RBFOX3: variants seen among roughly 807,000 people sequenced by gnomAD.
RBFOX3 encodes RNA binding fox-1 homolog 3.
Under a neutral mutation model 48.7 loss-of-function variants are expected in RBFOX3, and 17 were observed. The ratio of observed to expected loss-of-function variants is 0.35; its 90% CI spans 0.24 to 0.52. The LOEUF is 0.52. Among genes scored for constraint, RBFOX3 ranks in the 20% least tolerant of loss-of-function variants. RBFOX3 has a pLI of 0.94. For synonymous variants in RBFOX3, 212 were observed against 209.5 expected, an observed-to-expected ratio of 1.01 and a Z score of -0.10; for missense variants, 382 against 497.5, an observed-to-expected ratio of 0.77 and a Z score of 2.21.
chr17:79,388,073 T>TGC (rs1491013536), intron 2 of RBFOX3, among the ~76,000 whole-genome samples: 3 of 145,552 alleles, frequency 2.1e-5, no homozygotes, highest in Non-Finnish European at 3.0e-5. Flanking sequence ...GCAGTGTGTG[T>TGC]GCCTACGTGT....
intron 4 of RBFOX3, among the ~76,000 whole-genome samples, chr17:79,200,029 G>A (rs1161756429): frequency 6.6e-6 from 1 of 152,160 alleles, no homozygotes; most frequent in Non-Finnish European, 1.5e-5. Flanking sequence ...TAGGTGTGGT[G>A]GCACATGCCT....
chr17:79,151,097 A>G (rs1308626300), intron 4 of RBFOX3, among the ~76,000 whole-genome samples: 1 of 152,112 alleles, frequency 6.6e-6, no homozygotes, highest in Non-Finnish European at 1.5e-5. Flanking sequence ...TCTCAGAACC[A>G]CAATAAATGC....
chr17:79,373,238 A>C, intron 2 of RBFOX3, among the ~76,000 whole-genome samples: 1 of 151,436 alleles, frequency 6.6e-6, no homozygotes, highest in East Asian at 1.9e-4. Context: ...TGTCCTCCCC[A>C]CCCCTACGGC....
At chr17:79,445,745 C>T (rs1322123686) in intron 2 of RBFOX3, among the ~76,000 whole-genome samples, 2 of 152,216 alleles carry the variant, frequency 1.3e-5, no homozygotes, top group Non-Finnish European at 1.5e-5. Flanking sequence ...CAAGAAGCTG[C>T]TCGGCTGGGT....
At chr17:79,649,653 C>T in the RBFOX3 span, among the ~76,000 whole-genome samples, 38 of 152,124 alleles carry the variant, frequency 2.5e-4, no homozygotes, top group African/African-American at 8.7e-4. Context: ...TTGCAGTGGG[C>T]GGAGATAGCG....
chr17:79,600,680 G>C (rs2093684918), intron 1 of RBFOX3: 1 of 152,218 alleles, frequency 6.6e-6, no homozygotes, highest in South Asian at 2.1e-4. Flanking sequence ...CACACCCCAG[G>C]GGGCTCCCAC....
chr17:79,469,428 C>T (rs1281924464), intron 2 of RBFOX3, among the ~76,000 whole-genome samples: 3 of 152,276 alleles, frequency 2.0e-5, no homozygotes, highest in Admixed American at 6.5e-5. Context: ...TGGAGAGGAC[C>T]CCACTCCACG....
At chr17:79,416,283 A>G (rs1372325506) in intron 2 of RBFOX3, among the ~76,000 whole-genome samples, 3 of 152,180 alleles carry the variant, frequency 2.0e-5, no homozygotes, top group Non-Finnish European at 4.4e-5. Flanking sequence ...CTGCACCCAG[A>G]GCTCCCTCCC....
At chr17:79,332,393 G>A (rs963915810) in intron 2 of RBFOX3, among the ~76,000 whole-genome samples, 1 of 152,188 alleles carries the variant, frequency 6.6e-6, no homozygotes, top group South Asian at 2.1e-4. Context: ...CGGGGTGGGA[G>A]AGGGAAAGGG....
At chr17:79,548,509 C>T (rs1480165542) in intron 1 of RBFOX3, among the ~76,000 whole-genome samples, 16 of 152,260 alleles carry the variant, frequency 1.1e-4, no homozygotes, top group Admixed American at 6.5e-4. Flanking sequence ...CTGCAGGAAG[C>T]GCAGCTGTGC....
At chr17:79,548,222 A>C (rs1555792556) in intron 1 of RBFOX3, among the ~76,000 whole-genome samples, 3 of 152,116 alleles carry the variant, frequency 2.0e-5, no homozygotes, top group African/African-American at 7.2e-5. Context: ...CCGCTCCCGG[A>C]GTCCACCCAG....
intron 4 of RBFOX3, among the ~76,000 whole-genome samples, chr17:79,141,504 A>AG (rs940153111): frequency 6.7e-6 from 1 of 150,122 alleles, no homozygotes; most frequent in Non-Finnish European, 1.5e-5. Flanking sequence ...AGTGGCTCAG[A>AG]GGGGGTCAGC....
rs1473099912 is a variant in RBFOX3, at chr17:79,206,525, G to A, written c.-34+29241C>T. 1.4e-5 allele frequency among the ~76,000 whole-genome samples: 2 copies of A among 147,648 alleles called. 1 individual carries two copies. The highest frequency in any genetic ancestry group is 4.0e-4 in the East Asian group (2 of 4,974). The stretch of plus-strand genomic sequence containing the variant: ...TCTGTGATGAGCTGGACATAGTACA[G>A]GGGTGCAAGAAGTGGGCGGGAGCGG... On this transcript the variant is annotated intron_variant, in intron 4 of 14. Transcript: ENST00000693108.
intron 3 of RBFOX3, among the ~76,000 whole-genome samples, chr17:79,238,787 G>A (rs887209498): frequency 1.3e-5 from 2 of 152,154 alleles, no homozygotes; most frequent in Non-Finnish European, 2.9e-5. Context: ...GTGTGAACCC[G>A]GGGTTGCAGT....
At chr17:79,314,974 G>A (rs2077341477) in intron 2 of RBFOX3, among the ~76,000 whole-genome samples, 1 of 152,090 alleles carries the variant, frequency 6.6e-6, no homozygotes, top group South Asian at 2.1e-4. Flanking sequence ...GCAGGTAGAG[G>A]AGGATAGATA....
intron 4 of RBFOX3, among the ~76,000 whole-genome samples, chr17:79,215,184 G>A (rs896781149): frequency 6.6e-6 from 1 of 152,190 alleles, no homozygotes; most frequent in Admixed American, 6.5e-5. Context: ...GCTGGCCCCC[G>A]CAGGGCTCCC....
chr17:79,602,967 C>T (rs1457314611), intron 1 of RBFOX3, among the ~76,000 whole-genome samples: 2 of 149,108 alleles, frequency 1.3e-5, no homozygotes, highest in East Asian at 4.0e-4. Flanking sequence ...TGCTGCAGTG[C>T]CCCTCTCTCC....
At chr17:79,605,150 G>A (rs921387456) in intron 1 of RBFOX3, among the ~76,000 whole-genome samples, 2 of 152,132 alleles carry the variant, frequency 1.3e-5, no homozygotes, top group Non-Finnish European at 2.9e-5. Flanking sequence ...TGGTGGCCCT[G>A]CAGAAGAGAA....
intron 2 of RBFOX3, among the ~76,000 whole-genome samples, chr17:79,413,960 T>C (rs963373246): frequency 7.4e-5 from 11 of 148,398 alleles, no homozygotes; most frequent in African/African-American, 2.8e-4. Flanking sequence ...AGAGGGGGCA[T>C]GTAGGGGGCT....
Sources: gnomAD v4.1 joint callset for allele counts (sites outside exome capture counted in the v4.1 genomes callset) on GRCh38, gnomAD v4.1.1 for gene constraint, MANE v1.5 for transcripts, NCBI Gene and HGNC (gene_info 2026-07-23, HGNC 2026-07-21) for gene names.